Variants in PRLR observed in about 807,000 individuals in gnomAD.
PRLR encodes hPRL receptor.
Under a neutral mutation model 40.2 loss-of-function variants are expected in PRLR, and 13 were observed. That is an observed-to-expected ratio of 0.32 (90% CI 0.21 to 0.51). The LOEUF is 0.51. PRLR is among the 20% of genes least tolerant of loss of function. The pLI, the probability that PRLR is intolerant of heterozygous loss-of-function variation, is 0.97. For missense variants in PRLR, 656 were observed against 747.3 expected (o/e 0.88, Z 1.42); for synonymous variants, 269 against 278.7 (o/e 0.97, Z 0.35).
At chr5:35,105,907 T>A (rs1772213158) in intron 2 of PRLR, among the ~76,000 whole-genome samples, 1 of 151,994 alleles carries the variant, frequency 6.6e-6, no homozygotes, top group African/African-American at 2.4e-5. Flanking sequence ...GAAGAGCAAC[T>A]CCAAGACACA....
chr5:35,116,052 C>T (rs73075084), intron 2 of PRLR, among the ~76,000 whole-genome samples: 9,279 of 152,204 alleles, frequency 0.061, 388 homozygotes, highest in African/African-American at 0.11. Context: ...TGTGATTTCA[C>T]AGATAGCCAC....
chr5:35,055,045 C>G (rs76025691), downstream of PRLR, among the ~76,000 whole-genome samples: 1 of 151,982 alleles, frequency 6.6e-6, no homozygotes, highest in East Asian at 1.9e-4. Context: ...GGTAAATGAG[C>G]CTTTGTTATG....
chr5:35,182,466 A>C (rs1336686213), intron 1 of PRLR, among the ~76,000 whole-genome samples: 4 of 152,208 alleles, frequency 2.6e-5, no homozygotes, highest in African/African-American at 7.2e-5. Flanking sequence ...TTTCATCTTA[A>C]ACTTAAACTA....
At chr5:35,076,517 C>T (rs1484231266) in intron 5 of PRLR, among the ~76,000 whole-genome samples, 1 of 152,098 alleles carries the variant, frequency 6.6e-6, no homozygotes, top group Non-Finnish European at 1.5e-5. Context: ...AAGAAATGAA[C>T]AAGGCCTCCA....
intron 1 of PRLR, among the ~76,000 whole-genome samples, chr5:35,151,195 A>G (rs374859460): frequency 3.9e-5 from 6 of 152,194 alleles, no homozygotes; most frequent in East Asian, 1.9e-4. Flanking sequence ...CAGGAGTGAT[A>G]TAATTCCCTT....
chr5:35,221,984 T>G (rs970416505), intron 1 of PRLR, among the ~76,000 whole-genome samples: 4 of 152,092 alleles, frequency 2.6e-5, no homozygotes, highest in Admixed American at 1.3e-4. Flanking sequence ...ACCCAGAAGC[T>G]CCCAACACAT....
chr5:35,136,738 C>T (rs780125196), intron 1 of PRLR, among the ~76,000 whole-genome samples: 2 of 152,124 alleles, frequency 1.3e-5, no homozygotes, highest in Non-Finnish European at 2.9e-5. Flanking sequence ...GGCTAGCCCA[C>T]GTGAATCTCT....
At chr5:35,072,465 G>A (rs1241014527) in intron 6 of PRLR, 110 bp downstream of exon 6, 2 of 1,280,536 alleles carry the variant, frequency 1.6e-6, no homozygotes, top group South Asian at 1.4e-5. Context: ...AACTGCATTG[G>A]AGGCCAACAC....
At chr5:35,114,312 G>A (rs553759296) in intron 2 of PRLR, among the ~76,000 whole-genome samples, 1 of 152,308 alleles carries the variant, frequency 6.6e-6, no homozygotes, top group Admixed American at 6.5e-5. Context: ...ATCTTTTAAT[G>A]TAAAGTGTCG....
rs561818967 is a variant in PRLR at position 35,086,483 on chromosome 5, T to C, written c.71-143A>G. ...GAGACCTAGGGTGGATGCTCAGGAATGCCAAGCATCAGCATCCAGCAACAC... is the reference window on the plus strand; with the variant it reads ...GAGACCTAGGGTGGATGCTCAGGAACGCCAAGCATCAGCATCCAGCAACAC... On this transcript the variant is annotated intron_variant, in intron 3 of 9. Coordinates refer to ENST00000618457, the MANE Select transcript of PRLR (RefSeq NM_000949.7). 4.9e-4 allele frequency: 499 copies of C among 1,008,450 alleles called. No homozygotes were observed. The African/African-American group carries it at 7.6e-3, about 15-fold the overall frequency. The allele number at this position is 1,008,450 out of a possible 1,614,324, so 62.5% of individuals were successfully genotyped here.
In PRLR at chr5:35,060,793, A is replaced by G. The variant is rs1768991936; in HGVS notation, c.*4296T>C. ...TTGGGATGGTAATTCAAAGTCATTT[A>G]TATTTTTCTGTTTGTGTACAAAGTT... On this transcript the variant is annotated 3_prime_UTR_variant, in exon 10 of 10. Transcript: ENST00000618457. The G allele has an allele frequency of 6.6e-6, 1 of 152,204 alleles. No individual in the cohort carries two copies. The highest frequency in any genetic ancestry group is 2.4e-5 in the African/African-American group (1 of 41,450). The allele number at this position is 152,204 out of a possible 1,614,324, so 9.4% of individuals were successfully genotyped here.
chr5:35,221,131 T>C (rs2111673993), intron 1 of PRLR, among the ~76,000 whole-genome samples: 1 of 152,326 alleles, frequency 6.6e-6, no homozygotes, highest in Admixed American at 6.5e-5. Context: ...TAATTTACCT[T>C]GGTAAAGCCT....
chr5:35,175,620 T>G (rs1035497691), intron 1 of PRLR, among the ~76,000 whole-genome samples: 4 of 152,190 alleles, frequency 2.6e-5, no homozygotes, highest in African/African-American at 7.2e-5. Context: ...AGAACAAGTC[T>G]CCTAAGCCTT....
At chr5:35,081,778 A>AAC (rs71974696) in intron 5 of PRLR, 7,423 of 136,666 alleles carry the variant, frequency 0.054, 198 homozygotes, top group Middle Eastern at 0.068. Flanking sequence ...GCAATACACA[A>AAC]ACACACACAC....
intron 1 of PRLR, among the ~76,000 whole-genome samples, chr5:35,155,136 CT>C (rs1774451269): frequency 6.6e-6 from 1 of 152,104 alleles, no homozygotes; most frequent in African/African-American, 2.4e-5. Context: ...ACATGTACCC[CT>C]GAACTTAAAA....
chr5:35,104,406 T>C lies in PRLR; in HGVS notation c.-44+13655A>G, dbSNP rs541441611. Among the ~76,000 whole-genome samples the C allele has an allele frequency of 3.3e-5, 5 of 151,812 alleles. No individual in the cohort carries two copies. In the South Asian group the frequency reaches 8.3e-4, roughly 25 times the overall value. On this transcript the variant is annotated intron_variant, in intron 2 of 9. Coordinates refer to ENST00000618457, the MANE Select transcript of PRLR (RefSeq NM_000949.7). ...GTGGGTGCAGCCCACGGAGTGTCAG[T>C]GGAAGTAGGGGGGTGCATCGCCTCA...
chr5:35,078,479 G>A (rs556205465), intron 5 of PRLR, among the ~76,000 whole-genome samples: 2 of 151,762 alleles, frequency 1.3e-5, no homozygotes, highest in Admixed American at 6.6e-5. Flanking sequence ...TCCTGGACGC[G>A]TACACCCTCC....
intron 5 of PRLR, among the ~76,000 whole-genome samples, chr5:35,078,254 G>A (rs897601333): frequency 6.6e-6 from 1 of 151,988 alleles, no homozygotes; most frequent in South Asian, 2.1e-4. Context: ...AAAAAAATCA[G>A]TGAATCCAGG....
intron 1 of PRLR, among the ~76,000 whole-genome samples, chr5:35,213,014 A>G (rs1036035190): frequency 6.6e-6 from 1 of 152,234 alleles, no homozygotes; most frequent in African/African-American, 2.4e-5. Context: ...GCCTGCTTAC[A>G]CAGAAGAAAG....
Sources: allele counts gnomAD v4.1 joint callset (sites outside exome capture counted in the v4.1 genomes callset), GRCh38; gene constraint gnomAD v4.1.1; transcripts MANE v1.5; gene names NCBI Gene and HGNC (gene_info 2026-07-23, HGNC 2026-07-21).